NRCAM: variants seen among roughly 807,000 people sequenced by gnomAD.
The protein encoded by NRCAM is neuronal cell adhesion molecule, also known as NgCAM-related cell adhesion molecule.
Under a neutral mutation model 156.5 loss-of-function variants are expected in NRCAM, and 83 were observed. That is an observed-to-expected ratio of 0.53 (90% CI 0.44 to 0.64). The LOEUF (loss-of-function observed/expected upper bound fraction) is 0.64. NRCAM is among the 30% of genes least tolerant of loss of function. NRCAM has a pLI of 0.00. For missense variants in NRCAM, 1,417 were observed against 1,597.3 expected (o/e 0.89, Z 1.92); for synonymous variants, 538 against 563.9 (o/e 0.95, Z 0.65).
chr7:108,444,014 G>A (rs1841738991), intron 1 of NRCAM, among the ~76,000 whole-genome samples: 1 of 152,062 alleles, frequency 6.6e-6, no homozygotes, highest in Non-Finnish European at 1.5e-5. Context: ...TTGGCCTTCT[G>A]TATCCCTGGG....
At chr7:108,213,021 C>A (rs750075614) in intron 11 of NRCAM, among the ~76,000 whole-genome samples, 3 of 152,076 alleles carry the variant, frequency 2.0e-5, no homozygotes, top group Non-Finnish European at 4.4e-5. Context: ...TATAAAGGAA[C>A]ACCTATCAGA....
rs141913718 is a variant in NRCAM at position 108,231,590 on chromosome 7, T to C, written c.428-437A>G. Among the ~76,000 whole-genome samples the C allele has an allele frequency of 1.1e-3, 172 of 152,316 alleles. 1 individual carries two copies. Among genetic ancestry groups the C allele is most frequent in the African/African-American group, 4.0e-3 (167 of 41,580 alleles). On this transcript the variant is annotated intron_variant, in intron 7 of 32. Coordinates refer to ENST00000379028, the MANE Select transcript of NRCAM (RefSeq NM_001037132.4). ...TATGGGAATATACACGATATGTCAA[T>C]AAGTCAGAAAAGGTTGTAAGATAGT... is the stretch of plus-strand genomic sequence containing the variant.
intron 11 of NRCAM, among the ~76,000 whole-genome samples, chr7:108,217,872 C>T (rs1004179400): frequency 5.9e-5 from 9 of 152,152 alleles, no homozygotes; most frequent in African/African-American, 9.7e-5. Flanking sequence ...GGGTGGGATC[C>T]GCTGAGCTAG....
intron 32 of NRCAM, among the ~76,000 whole-genome samples, chr7:108,153,165 T>C (rs998021476): frequency 2.0e-5 from 3 of 152,132 alleles, no homozygotes; most frequent in African/African-American, 2.4e-5. Flanking sequence ...TACAGGCTAA[T>C]CTCATTCATG....
At position 108,240,184 on chromosome 7, in the gene NRCAM, G is replaced by C. The variant is rs193031845; in HGVS notation, c.-106-14C>G. 51 of 632,722 alleles carry C rather than the reference G, an allele frequency of 8.1e-5. No homozygotes were observed. The Admixed American group carries it at 1.0e-3, about 12-fold the overall frequency. The allele number at this position is 632,722 out of a possible 1,614,324, so 39.2% of individuals were successfully genotyped here. A position where few individuals can be genotyped will look rare whatever the true frequency, so the allele number is the denominator to read the frequency against. ...TCATGCGGGAAACTGAAAAAGGATA[G>C]AGTAGGAATAATAATTATAATGTAT... On this transcript the variant is annotated splice_polypyrimidine_tract_variant and intron_variant, in intron 3 of 32. Coordinates refer to ENST00000379028, the MANE Select transcript of NRCAM (RefSeq NM_001037132.4).
intron 2 of NRCAM, among the ~76,000 whole-genome samples, chr7:108,395,782 G>A (rs2099775051): frequency 6.6e-6 from 1 of 152,098 alleles, no homozygotes; most frequent in Admixed American, 6.5e-5. Flanking sequence ...ACTCACTTTG[G>A]AATCCAAGCA....
At chr7:108,348,776 C>G (rs901609650) in intron 2 of NRCAM, among the ~76,000 whole-genome samples, 1 of 151,864 alleles carries the variant, frequency 6.6e-6, no homozygotes, top group Non-Finnish European at 1.5e-5. Flanking sequence ...TAGCTGGGCC[C>G]TGTAGTCCCA....
chr7:108,188,330 G>A (rs2068558759), intron 20 of NRCAM, among the ~76,000 whole-genome samples: 1 of 152,056 alleles, frequency 6.6e-6, no homozygotes, highest in South Asian at 2.1e-4. Context: ...GAGGCTGTGG[G>A]TTAACACTCC....
At chr7:108,278,288 C>T (rs887700507) in intron 3 of NRCAM, among the ~76,000 whole-genome samples, 8 of 152,190 alleles carry the variant, frequency 5.3e-5, no homozygotes, top group Non-Finnish European at 8.8e-5. Context: ...CAGGCAGGGA[C>T]GTTTAAGTCT....
intron 2 of NRCAM, among the ~76,000 whole-genome samples, chr7:108,333,913 C>T (rs1307570048): frequency 6.6e-6 from 1 of 152,112 alleles, no homozygotes; most frequent in East Asian, 1.9e-4. Context: ...TTGTATCAGG[C>T]TTTCCTTACA....
At chr7:108,261,522 C>A (rs2096887573) in intron 3 of NRCAM, among the ~76,000 whole-genome samples, 1 of 152,220 alleles carries the variant, frequency 6.6e-6, no homozygotes, top group South Asian at 2.1e-4. Context: ...CTCCATGAAT[C>A]ATAGACTTGA....
intron 2 of NRCAM, among the ~76,000 whole-genome samples, chr7:108,340,649 T>C (rs900481229): frequency 6.6e-6 from 1 of 152,146 alleles, no homozygotes; most frequent in African/African-American, 2.4e-5. Context: ...AGACATTTGC[T>C]AACTTGCATG....
intron 2 of NRCAM, among the ~76,000 whole-genome samples, chr7:108,353,591 G>C (rs527795334): frequency 6.6e-5 from 10 of 152,164 alleles, no homozygotes; most frequent in African/African-American, 2.2e-4. Flanking sequence ...GAAGTGCAGG[G>C]ATTACAGGCA....
chr7:108,170,242 CA>C (rs1390735941), intron 28 of NRCAM, among the ~76,000 whole-genome samples: 1 of 151,996 alleles, frequency 6.6e-6, no homozygotes, highest in Non-Finnish European at 1.5e-5. Flanking sequence ...CTGCCATTTG[CA>C]ACAACATGGA....
intron 2 of NRCAM, among the ~76,000 whole-genome samples, chr7:108,356,523 A>G (rs986986569): frequency 6.6e-6 from 1 of 152,204 alleles, no homozygotes; most frequent in African/African-American, 2.4e-5. Context: ...CAGGATGTTC[A>G]TGGCTGTGGC....
At chr7:108,390,912 GT>G (rs200940744) in intron 2 of NRCAM, among the ~76,000 whole-genome samples, 29,593 of 152,082 alleles carry the variant, frequency 0.19, 3,481 homozygotes, top group South Asian at 0.35. Context: ...CTGAGTTCTA[GT>G]TTGATTGCAC....
intron 2 of NRCAM, among the ~76,000 whole-genome samples, chr7:108,347,032 G>GTTTTTTTTTTT (rs754160030): frequency 8.4e-5 from 7 of 83,052 alleles, no homozygotes; most frequent in Non-Finnish European, 1.3e-4. Flanking sequence ...TTATATTTCT[G>GTTTTTTTTTTT]TTTTTTTTTT....
At chr7:108,258,336 C>T (rs963936681) in intron 3 of NRCAM, among the ~76,000 whole-genome samples, 1 of 152,208 alleles carries the variant, frequency 6.6e-6, no homozygotes, top group African/African-American at 2.4e-5. Flanking sequence ...TTCCCACTCT[C>T]CAAAAATTCT....
Position 108,253,316 on chromosome 7 carries a change from A to C in NRCAM, c.-106-13146T>G, listed in dbSNP as rs556093872. Among the ~76,000 whole-genome samples, 7 of 152,322 alleles carry C rather than the reference A, an allele frequency of 4.6e-5. No homozygotes were observed. The South Asian group carries it at 1.4e-3, about 32-fold the overall frequency. ...CCACCAGAAGCTGGATCTAGGCCCT[A>C]TGGGAGCAGAAAGTAAGATGTATCC... On this transcript the variant is annotated intron_variant, in intron 3 of 32. Transcript: ENST00000379028.
Sources: allele counts gnomAD v4.1 joint callset (sites outside exome capture counted in the v4.1 genomes callset), GRCh38; gene constraint gnomAD v4.1.1; transcripts MANE v1.5; gene names NCBI Gene and HGNC (gene_info 2026-07-23, HGNC 2026-07-21).